NTNG2: variants seen among roughly 807,000 people sequenced by gnomAD.
NTNG2 encodes the protein netrin-G2.
A neutral mutation model predicts 47.6 loss-of-function variants in NTNG2; 15 were observed. That is an observed-to-expected ratio of 0.32 (90% CI 0.21 to 0.49). NTNG2 has a LOEUF of 0.49. Ranked by LOEUF, NTNG2 falls within the 20% of genes least tolerant of loss-of-function variation. NTNG2 has a pLI of 0.99. For synonymous variants in NTNG2, 307 were observed against 324.6 expected (o/e 0.95, Z 0.58); for missense variants, 578 against 764.6 (o/e 0.76, Z 2.88).
intron 2 of NTNG2, among the ~76,000 whole-genome samples, chr9:132,184,954 G>C (rs574586082): frequency 6.6e-6 from 1 of 152,312 alleles, no homozygotes; most frequent in East Asian, 1.9e-4. Context: ...ACAAGGGAGA[G>C]AGGCAGAGCT....
chr9:132,238,451 G>C (rs934692938), intron 5 of NTNG2, among the ~76,000 whole-genome samples: 5 of 152,180 alleles, frequency 3.3e-5, no homozygotes, highest in African/African-American at 1.2e-4. Flanking sequence ...CCAGGACCAG[G>C]GGGAGGCATG....
Position 132,167,058 on chromosome 9 carries a change from C to G in NTNG2, c.213+14C>G. The G allele has an allele frequency of 6.2e-7, 1 of 1,613,100 alleles. No individual in the cohort carries two copies. The highest frequency in any genetic ancestry group is 1.3e-5 in the African/African-American group (1 of 75,066). ...TTCTGCTCCCATGTAAGTCCACTTA[C>G]TGCTCTTTTGTTTGCCCAGGCCAAG... On this transcript the variant is annotated intron_variant, in intron 2 of 7. Coordinates refer to ENST00000393229, the MANE Select transcript of NTNG2 (RefSeq NM_032536.4).
At chr9:132,187,161 T>TGGGGGAGGAGC (rs896348087) in intron 2 of NTNG2, among the ~76,000 whole-genome samples, 1 of 152,184 alleles carries the variant, frequency 6.6e-6, no homozygotes, top group African/African-American at 2.4e-5. Context: ...GTGGCCCCCC[T>TGGGGGAGGAGC]GGGGGAGGAG....
chr9:132,200,676 G>T (rs571777329), intron 3 of NTNG2, among the ~76,000 whole-genome samples: 1 of 152,214 alleles, frequency 6.6e-6, no homozygotes, highest in Non-Finnish European at 1.5e-5. Flanking sequence ...GGTGGGCAAA[G>T]GCAAAGGCAG....
Position 132,216,381 on chromosome 9 carries a change from CCTCTCT to C in NTNG2, c.858-10439_858-10434del, listed in dbSNP as rs1199246893. 2.3e-3 allele frequency among the ~76,000 whole-genome samples: 280 copies of C among 120,932 alleles called. 1 individual carries two copies. The East Asian group carries it at 0.027, about 12-fold the overall frequency. The allele number at this position is 120,932 out of a possible 152,430, so 79.3% of individuals were successfully genotyped here. ...GGTAAGAATCTGGCTGCTGACTCAG[CCTCTCT>C]CTCTCTCTCTCTCTCTCTCTCTCTC... On this transcript the variant is annotated intron_variant, in intron 3 of 7. Coordinates refer to ENST00000393229, the MANE Select transcript of NTNG2 (RefSeq NM_032536.4).
chr9:132,238,843 TC>T, intron 5 of NTNG2: 1 of 547,910 alleles, frequency 1.8e-6, no homozygotes, highest in South Asian at 1.9e-5. Flanking sequence ...CCACTGGCCC[TC>T]CCTGGTTCCC....
intron 3 of NTNG2, among the ~76,000 whole-genome samples, chr9:132,204,323 C>G (rs1429162553): frequency 6.6e-6 from 1 of 152,196 alleles, no homozygotes; most frequent in Non-Finnish European, 1.5e-5. Flanking sequence ...TCAACACCCT[C>G]CCCTCTTTCT....
At chr9:132,220,701 GC>G (rs1241741022) in intron 3 of NTNG2, among the ~76,000 whole-genome samples, 7 of 152,048 alleles carry the variant, frequency 4.6e-5, no homozygotes, top group Admixed American at 2.0e-4. Context: ...GCCTGCCTCA[GC>G]CTCCGAAAGT....
chr9:132,241,646 C>G (rs1352553159), intron 7 of NTNG2: 1 of 526,214 alleles, frequency 1.9e-6, no homozygotes, highest in East Asian at 3.6e-5. Context: ...GCACCGAGGC[C>G]AGTGGGGCGG....
At position 132,241,828 on chromosome 9, in the gene NTNG2, C is replaced by G. The variant is rs764510257; in HGVS notation, c.1358-48C>G. ...TGCTTCGCAGGAGCTCGGAGGTTGG[C>G]GGGGGGACCGGGCCACCCCCCGTGC... On this transcript the variant is annotated intron_variant, in intron 7 of 7. Transcript: ENST00000393229. 2.2e-6 allele frequency: 3 copies of G among 1,380,368 alleles called. No individual in the cohort carries two copies. The South Asian group carries it at 3.9e-5, about 18-fold the overall frequency. The allele number at this position is 1,380,368 out of a possible 1,614,324, so 85.5% of individuals were successfully genotyped here.
intron 3 of NTNG2, among the ~76,000 whole-genome samples, chr9:132,214,324 G>A (rs985698127): frequency 4.6e-5 from 7 of 152,196 alleles, no homozygotes; most frequent in South Asian, 2.1e-4. Context: ...TGGTGCCCCC[G>A]CAGCAGCTCC....
intron 5 of NTNG2, among the ~76,000 whole-genome samples, chr9:132,235,950 C>A (rs766594004): frequency 6.6e-5 from 10 of 152,162 alleles, no homozygotes; most frequent in Admixed American, 1.3e-4. Context: ...ACCAGCTCTG[C>A]CCCCAAGCTC....
At chr9:132,170,800 C>T (rs545135158) in intron 2 of NTNG2, among the ~76,000 whole-genome samples, 8 of 152,284 alleles carry the variant, frequency 5.3e-5, no homozygotes, top group Middle Eastern at 3.4e-3. Context: ...AGTGCAGCAG[C>T]GCTGACCTCA....
intron 2 of NTNG2, among the ~76,000 whole-genome samples, chr9:132,187,429 C>T (rs181266828): frequency 6.2e-4 from 94 of 151,946 alleles, no homozygotes; most frequent in South Asian, 2.1e-3. Flanking sequence ...GGCCTGTGCA[C>T]GAAGAGAATC....
At chr9:132,185,427 T>G (rs1206063332) in intron 2 of NTNG2, among the ~76,000 whole-genome samples, 1 of 152,042 alleles carries the variant, frequency 6.6e-6, no homozygotes, top group East Asian at 1.9e-4. Context: ...ACTGAAACCC[T>G]CACAGCCACT....
At position 132,208,937 on chromosome 9, in the gene NTNG2, G is replaced by A. The variant is rs1589471303; in HGVS notation, c.857+10328G>A. On this transcript the variant is annotated intron_variant, in intron 3 of 7. Transcript: ENST00000393229. This position sits in a 1 kb window ranked among gnomAD's most constrained non-coding sequence, Gnocchi z 4.0. ...AAATCTGCTGTAAGTGGAGTCGTGCGGCAGGTGGCTTTTTCAAGGGGTCTC... is the reference window on the plus strand; with the variant it reads ...AAATCTGCTGTAAGTGGAGTCGTGCAGCAGGTGGCTTTTTCAAGGGGTCTC... 6.6e-6 allele frequency among the ~76,000 whole-genome samples: 1 copy of A among 152,006 alleles called. No homozygotes were observed. Among genetic ancestry groups the A allele is most frequent in the African/African-American group, 2.4e-5 (1 of 41,354 alleles).
chr9:132,228,140 T>C lies in NTNG2; in HGVS notation c.1030+1119T>C, dbSNP rs549430617. Among the ~76,000 whole-genome samples, 4 of 152,354 alleles carry C rather than the reference T, an allele frequency of 2.6e-5. No individual in the cohort carries two copies. In the South Asian group the frequency reaches 8.3e-4, roughly 32 times the overall value. ...CTGGATCTGATGCTCAGACCAGGCC[T>C]GGGCAGTGGCCTCCTGCACCCCATC... On this transcript the variant is annotated intron_variant, in intron 4 of 7. Coordinates refer to ENST00000393229, the MANE Select transcript of NTNG2 (RefSeq NM_032536.4).
rs1206628575 is a variant in NTNG2, at chr9:132,198,117, A to C, written c.365A>C (p.Asn122Thr). The change falls in exon 3 of 8, where the codon AAC becomes ACC. Residue 122 changes from asparagine to threonine, a missense_variant. Transcript: ENST00000393229. ...WSRYPSPLEA[N>T]ITLSWNKTVE... ...CGCTACCCCAGCCCGCTGGAAGCCA[A>C]CATCACCCTTTCGTGGAACAAGACC... 6.8e-6 allele frequency: 11 copies of C among 1,613,934 alleles called. No individual in the cohort carries two copies. Among genetic ancestry groups the C allele is most frequent in the Non-Finnish European group, 9.3e-6 (11 of 1,180,030 alleles).
Position 132,227,661 on chromosome 9 carries a change from G to T in NTNG2, c.1030+640G>T, listed in dbSNP as rs115391634. Among the ~76,000 whole-genome samples, 214 of 152,248 alleles carry T rather than the reference G, an allele frequency of 1.4e-3. 1 individual carries two copies. The highest frequency in any genetic ancestry group is 5.0e-3 in the African/African-American group (208 of 41,542). On this transcript the variant is annotated intron_variant, in intron 4 of 7. Transcript: ENST00000393229. Reference sequence around the variant, plus strand: ...TGTGTCCTCTACGGCCTGCACCAGAGTCCCCCCGCACGTGCTCTCTGCCCA... The same window carrying T: ...TGTGTCCTCTACGGCCTGCACCAGATTCCCCCCGCACGTGCTCTCTGCCCA...
Sources: allele counts gnomAD v4.1 joint callset (sites outside exome capture counted in the v4.1 genomes callset), GRCh38; gene constraint gnomAD v4.1.1; non-coding constraint Gnocchi (gnomAD v3.1); transcripts MANE v1.5; gene names NCBI Gene and HGNC (gene_info 2026-07-23, HGNC 2026-07-21).